The following DDX10 variants were observed in gnomAD, a reference collection of about 807,000 sequenced individuals.
The protein encoded by DDX10 is probable ATP-dependent RNA helicase DDX10.
DDX10 carries 74 observed loss-of-function variants against 104.3 expected under a neutral mutation model. That is an observed-to-expected ratio of 0.71 (90% CI 0.59 to 0.86). The LOEUF is 0.86. DDX10 is among the 40% of genes least tolerant of loss of function. The probability of loss-of-function intolerance (pLI) is 0.00; values close to 1 mark genes in which losing one functional copy is unlikely to be tolerated. For missense variants in DDX10, 952 were observed against 1,040.0 expected, an observed-to-expected ratio of 0.92 and a Z score of 1.16; for synonymous variants, 351 against 353.4, an observed-to-expected ratio of 0.99 and a Z score of 0.08.
chr11:108,773,764 A>G (rs140443042), intron 13 of DDX10, among the ~76,000 whole-genome samples: 2 of 152,274 alleles, frequency 1.3e-5, no homozygotes, highest in Admixed American at 6.5e-5. Flanking sequence ...AGAGTTCCCT[A>G]TAAAAAGGAA....
At chr11:108,850,773 T>C (rs1453240598) in intron 15 of DDX10, among the ~76,000 whole-genome samples, 1 of 152,038 alleles carries the variant, frequency 6.6e-6, no homozygotes, top group Non-Finnish European at 1.5e-5. Context: ...TGAAGTGTAG[T>C]GGTGTGCTAG....
intron 15 of DDX10, among the ~76,000 whole-genome samples, chr11:108,851,201 AAC>A (rs1565298392): frequency 6.6e-6 from 1 of 152,158 alleles, no homozygotes; most frequent in Non-Finnish European, 1.5e-5. Context: ...TTTAGTGTCT[AAC>A]ACAGGAAAAC....
chr11:108,778,502 TGAAACTG>T (rs1438736443), intron 13 of DDX10, among the ~76,000 whole-genome samples: 1 of 152,216 alleles, frequency 6.6e-6, no homozygotes, highest in Non-Finnish European at 1.5e-5. Context: ...TGTAGAAAGC[TGAAACTG>T]GATCCCTTCC....
At chr11:108,707,805 A>G (rs765893245) in intron 10 of DDX10, among the ~76,000 whole-genome samples, 2 of 152,206 alleles carry the variant, frequency 1.3e-5, no homozygotes, top group Non-Finnish European at 2.9e-5. Flanking sequence ...AAAAAGCTAC[A>G]ATTAGATTCT....
At chr11:108,709,423 T>C (rs1242702234) in intron 10 of DDX10, among the ~76,000 whole-genome samples, 1 of 152,240 alleles carries the variant, frequency 6.6e-6, no homozygotes, top group Non-Finnish European at 1.5e-5. Context: ...GGCTTGGTGA[T>C]TTCTGTTTTG....
chr11:108,788,373 C>CT (rs1242334433), intron 13 of DDX10, among the ~76,000 whole-genome samples: 2 of 147,608 alleles, frequency 1.4e-5, no homozygotes, highest in South Asian at 2.1e-4. Flanking sequence ...TTTTTTTTTT[C>CT]TTTTTTGAGC....
chr11:108,711,781 T>C lies in DDX10; in HGVS notation c.1323-4098T>C, dbSNP rs552633840. On this transcript the variant is annotated intron_variant, in intron 10 of 17. Transcript: ENST00000322536. ...TGTGAGCTTGAGAAGATGTGTATTATGTTGTTGGATAAAGTAGTCTCTAGA... is the reference window on the plus strand; with the variant it reads ...TGTGAGCTTGAGAAGATGTGTATTACGTTGTTGGATAAAGTAGTCTCTAGA... Among the ~76,000 whole-genome samples the C allele has an allele frequency of 2.0e-4, 31 of 152,346 alleles. No homozygotes were observed. In the South Asian group the frequency reaches 6.4e-3, roughly 32 times the overall value.
rs542985905 is a variant in DDX10, at chr11:108,772,900, G to A, written c.1965+49438G>A. 9.2e-5 allele frequency among the ~76,000 whole-genome samples: 14 copies of A among 152,314 alleles called. No homozygotes were observed. In the South Asian group the frequency reaches 2.5e-3, roughly 27 times the overall value. ...CCTCGTGCCAAAAAGGTTGGGCATT[G>A]TTGGTAAGGTACCAGTAGTTTAACC... On this transcript the variant is annotated intron_variant, in intron 13 of 17. Transcript: ENST00000322536.
intron 16 of DDX10, among the ~76,000 whole-genome samples, chr11:108,883,706 C>T (rs2134634167): frequency 6.6e-6 from 1 of 152,270 alleles, no homozygotes; most frequent in Non-Finnish European, 1.5e-5. Context: ...TGTTATACCT[C>T]CACTTGACCA....
At chr11:108,677,283 C>G (rs750546249) in intron 4 of DDX10, 40 bp downstream of exon 4, 4 of 1,578,404 alleles carry the variant, frequency 2.5e-6, no homozygotes, top group South Asian at 1.1e-5. Context: ...CCTTCTGTAA[C>G]CTATACTGGA....
intron 13 of DDX10, among the ~76,000 whole-genome samples, chr11:108,753,830 C>G (rs1565268307): frequency 1.3e-5 from 2 of 151,900 alleles, no homozygotes; most frequent in Non-Finnish European, 2.9e-5. Context: ...CCACGTGGTA[C>G]TTGCTTTAGT....
At chr11:108,905,896 CACAT>C (rs1863589926) in intron 16 of DDX10, among the ~76,000 whole-genome samples, 1 of 152,134 alleles carries the variant, frequency 6.6e-6, no homozygotes, top group Non-Finnish European at 1.5e-5. Flanking sequence ...GGTGAAGTGA[CACAT>C]ACTTCTAAAC....
intron 17 of DDX10, among the ~76,000 whole-genome samples, chr11:108,922,933 C>G (rs1863853780): frequency 6.6e-6 from 1 of 152,192 alleles, no homozygotes; most frequent in Non-Finnish European, 1.5e-5. Flanking sequence ...TGTCCAAACT[C>G]CATTTAAGGA....
chr11:108,936,821 A>G (rs886189796), intron 17 of DDX10, among the ~76,000 whole-genome samples: 3 of 152,216 alleles, frequency 2.0e-5, no homozygotes, highest in African/African-American at 4.8e-5. Flanking sequence ...AACGTCCCAG[A>G]AGAAAAATTG....
At chr11:108,679,121 T>C (rs1378254956) in intron 5 of DDX10, among the ~76,000 whole-genome samples, 2 of 152,150 alleles carry the variant, frequency 1.3e-5, no homozygotes, top group African/African-American at 4.8e-5. Context: ...CCTCCCAAAG[T>C]GCTGGGATTA....
chr11:108,741,742 CA>C (rs1332133706), intron 13 of DDX10, among the ~76,000 whole-genome samples: 2 of 152,118 alleles, frequency 1.3e-5, no homozygotes, highest in Non-Finnish European at 2.9e-5. Context: ...ATGTCATCTG[CA>C]AACAGGGATA....
chr11:108,835,670 G>A (rs1164301131), intron 13 of DDX10, among the ~76,000 whole-genome samples: 1 of 152,224 alleles, frequency 6.6e-6, no homozygotes, highest in Non-Finnish European at 1.5e-5. Flanking sequence ...AGTTTTCTGG[G>A]TTTTAAGTAC....
chr11:108,779,713 G>A (rs2094375614), intron 13 of DDX10, among the ~76,000 whole-genome samples: 1 of 152,006 alleles, frequency 6.6e-6, no homozygotes, highest in Admixed American at 6.6e-5. Context: ...ATTTACATGG[G>A]CTTCATGTTA....
At chr11:108,802,101 G>A (rs563317438) in intron 13 of DDX10, among the ~76,000 whole-genome samples, 2 of 151,924 alleles carry the variant, frequency 1.3e-5, no homozygotes, top group South Asian at 2.1e-4. Flanking sequence ...AAACTCAGGA[G>A]TATGTGTGGG....
Sources: allele counts gnomAD v4.1 joint callset (sites outside exome capture counted in the v4.1 genomes callset), GRCh38; gene constraint gnomAD v4.1.1; transcripts MANE v1.5; gene names NCBI Gene and HGNC (gene_info 2026-07-23, HGNC 2026-07-21).